Variants in TNRC6A observed in about 807,000 individuals in gnomAD.
TNRC6A encodes trinucleotide repeat containing adaptor 6A.
In TNRC6A, 44 loss-of-function variants were observed where a neutral mutation model predicts 221.2. That is an observed-to-expected ratio of 0.20 (90% CI 0.16 to 0.26). TNRC6A has a LOEUF of 0.26. TNRC6A is among the 10% of genes least tolerant of loss of function. TNRC6A has a pLI of 1.00. For synonymous variants in TNRC6A, 847 were observed against 838.5 expected, an observed-to-expected ratio of 1.01 and a Z score of -0.18; for missense variants, 2,199 against 2,404.4, an observed-to-expected ratio of 0.91 and a Z score of 1.79.
chr16:24,704,664 CAAAAAAAAAAAAAAAAA>C (rs58926085), intron 2 of TNRC6A, among the ~76,000 whole-genome samples: 9 of 69,464 alleles, frequency 1.3e-4, no homozygotes, highest in Non-Finnish European at 2.3e-4. Context: ...GACTCCGTCT[CAAAAAAAAAAAAAAAAA>C]AAAAAAAAAA....
rs575497066 is a variant in TNRC6A at position 24,823,938 on chromosome 16, C to T, written c.*131C>T. On this transcript the variant is annotated 3_prime_UTR_variant, in exon 25 of 25. Transcript: ENST00000395799. The surrounding 1 kb of genome is among the most constrained non-coding windows in gnomAD (Gnocchi z 4.3). The stretch of plus-strand genomic sequence containing the variant: ...CTCTGCACATTTTCCACTTTGTTTT[C>T]CCCAAAACATATCAGTTTGAATACT... The T allele has an allele frequency of 2.0e-5, 18 of 904,814 alleles. No homozygotes were observed. The African/African-American group carries it at 2.9e-4, about 15-fold the overall frequency. 56.0% of individuals were successfully genotyped at this position (904,814 alleles called of 1,614,324 possible). A position where few individuals can be genotyped will look rare whatever the true frequency, so the allele number is the denominator to read the frequency against.
intron 4 of TNRC6A, among the ~76,000 whole-genome samples, chr16:24,761,277 C>A (rs2057356704): frequency 6.6e-6 from 1 of 152,112 alleles, no homozygotes; most frequent in African/African-American, 2.4e-5. Context: ...CTTGTGACTT[C>A]AACTTTGAAA....
At chr16:24,704,730 G>T (rs1048835910) in intron 2 of TNRC6A, among the ~76,000 whole-genome samples, 6 of 150,546 alleles carry the variant, frequency 4.0e-5, no homozygotes, top group Non-Finnish European at 8.9e-5. Flanking sequence ...TGAGTATAAG[G>T]GGGTATATTA....
At chr16:24,817,046 GCC>G (rs2058671595) in intron 20 of TNRC6A, 90 bp downstream of exon 20, 1 of 1,335,888 alleles carries the variant, frequency 7.5e-7, no homozygotes, top group Non-Finnish European at 9.7e-7. Context: ...GGGCGACTGA[GCC>G]CAGGGTACTC....
chr16:24,728,127 T>A (rs2056523594), upstream of TNRC6A, among the ~76,000 whole-genome samples: 1 of 152,142 alleles, frequency 6.6e-6, no homozygotes. Context: ...TTTGTTTGTT[T>A]TTAACGGGAG....
At chr16:24,678,484 G>A (rs2055464545) in intron 2 of TNRC6A, among the ~76,000 whole-genome samples, 2 of 152,300 alleles carry the variant, frequency 1.3e-5, no homozygotes, top group South Asian at 2.1e-4. Flanking sequence ...AGGATCTGAA[G>A]AGAAATCTCC....
rs763952946 is a variant in TNRC6A, at chr16:24,797,577, A to G, written c.3642+7A>G. ...TTCAAACATCAGTTTTTCGGTAAGT[A>G]TGTTTTCTTAGCAGCTCCTTCCTCT... On this transcript the variant is annotated splice_region_variant and intron_variant, in intron 10 of 24. Coordinates refer to ENST00000395799, the MANE Select transcript of TNRC6A (RefSeq NM_014494.4). 2 of 1,600,174 alleles carry G rather than the reference A, an allele frequency of 1.2e-6. No homozygotes were observed. Among genetic ancestry groups the G allele is most frequent in the South Asian group, 1.1e-5 (1 of 89,184 alleles).
Position 24,820,262 on chromosome 16 carries a change from C to T in TNRC6A, c.5204C>T (p.Pro1735Leu). 1 of 1,614,132 alleles carries T rather than the reference C, an allele frequency of 6.2e-7. No homozygotes were observed. The highest frequency in any genetic ancestry group is 8.5e-7 in the Non-Finnish European group (1 of 1,180,036). The change falls in exon 22 of 25, where the codon CCG becomes CTG. Residue 1735 changes from proline (P) to leucine (L), a missense_variant. Transcript: ENST00000395799. ...ATCACTGCTCCGTCCCGCCCACCTC[C>T]GGGACTGACTGGTCAGAAGCCACCC... ...KNITAPSRPP[P>L]GLTGQKPPLS...
chr16:24,747,386 A>G (rs1567418400), intron 2 of TNRC6A, among the ~76,000 whole-genome samples: 1 of 152,178 alleles, frequency 6.6e-6, no homozygotes, highest in East Asian at 1.9e-4. Flanking sequence ...TTTACAGACA[A>G]CGAGGTAGAT....
chr16:24,791,034 T>G lies in TNRC6A; in HGVS notation c.2392T>G (p.Ser798Ala). 1 of 1,591,688 alleles carries G rather than the reference T, an allele frequency of 6.3e-7. No individual in the cohort carries two copies. Among genetic ancestry groups the G allele is most frequent in the Non-Finnish European group, 8.6e-7 (1 of 1,168,742 alleles). Residue 798 changes from serine (S) to alanine (A), a missense_variant, in exon 6 of 25, where the codon TCA (serine) becomes GCA (alanine). Ser to Ala is a moderately conservative substitution (Grantham distance 99). Around this residue, in one of 8 missense-constraint regions of TNRC6A, gnomAD observed 1,405 missense variants for 1,400.2 expected, o/e 1.00. Coordinates refer to ENST00000395799, the MANE Select transcript of TNRC6A (RefSeq NM_014494.4). Reference protein sequence around the residue: ...PALRWGDSKGSNCQGGWEDDS... With the variant: ...PALRWGDSKGANCQGGWEDDS... ...TCTGAGGTGGGGAGATTCCAAAGGC[T>G]CAAACTGCCAGGGGGGGTGGGAAGA...
intron 1 of TNRC6A, among the ~76,000 whole-genome samples, chr16:24,630,967 C>T (rs996225851): frequency 1.3e-5 from 2 of 150,962 alleles, no homozygotes; most frequent in African/African-American, 4.9e-5. Context: ...GTTGGTGGAG[C>T]TTAGACATTC....
At chr16:24,729,379 A>G (rs544572288), upstream of TNRC6A, among the ~76,000 whole-genome samples, 152 of 145,038 alleles carry the variant, frequency 1.0e-3, 1 homozygote, top group Middle Eastern at 3.8e-3. Flanking sequence ...GTCGCAGCAA[A>G]GAAGGAGGAG....
intron 2 of TNRC6A, among the ~76,000 whole-genome samples, chr16:24,701,985 A>T (rs1351240532): frequency 6.6e-6 from 1 of 151,288 alleles, no homozygotes; most frequent in Non-Finnish European, 1.5e-5. Flanking sequence ...AAAAAAAACA[A>T]AAACAAAAAA....
intron 2 of TNRC6A, among the ~76,000 whole-genome samples, chr16:24,704,664 C>CAAAAAAAAAAAAAAAAAA (rs58926085): frequency 1.4e-4 from 10 of 69,458 alleles, no homozygotes; most frequent in Non-Finnish European, 2.3e-4. Context: ...GACTCCGTCT[C>CAAAAAAAAAAAAAAAAAA]AAAAAAAAAA....
At chr16:24,723,750 T>A (rs1434678051) in intron 2 of TNRC6A, among the ~76,000 whole-genome samples, 1 of 152,214 alleles carries the variant, frequency 6.6e-6, no homozygotes, top group Non-Finnish European at 1.5e-5. Flanking sequence ...ATTTTAATTA[T>A]TGCAAAATTT....
chr16:24,729,144 C>T (rs778085941), upstream of TNRC6A, among the ~76,000 whole-genome samples: 1 of 152,012 alleles, frequency 6.6e-6, no homozygotes, highest in Admixed American at 6.6e-5. Flanking sequence ...TTAAGCCTCA[C>T]AACCCGCCTC....
intron 2 of TNRC6A, among the ~76,000 whole-genome samples, chr16:24,734,379 G>A (rs1274361353): frequency 6.6e-6 from 1 of 152,056 alleles, no homozygotes; most frequent in Non-Finnish European, 1.5e-5. Context: ...AAGATGCTAA[G>A]TTACATTTTG....
At chr16:24,700,890 G>A (rs577859651) in intron 2 of TNRC6A, among the ~76,000 whole-genome samples, 9 of 152,262 alleles carry the variant, frequency 5.9e-5, no homozygotes, top group African/African-American at 9.6e-5. Flanking sequence ...TGGCTACCAC[G>A]TGGGCTGACG....
intron 4 of TNRC6A, among the ~76,000 whole-genome samples, chr16:24,771,584 GTTA>G (rs1567449439): frequency 8.3e-4 from 22 of 26,356 alleles, no homozygotes; most frequent in Non-Finnish European, 1.7e-3. Context: ...ATGTTATGTT[GTTA>G]TGTTATGTTA....
Sources: gnomAD v4.1 joint callset for allele counts (sites outside exome capture counted in the v4.1 genomes callset) on GRCh38, gnomAD v4.1.1 for gene constraint, gnomAD v4.1.1 regional missense constraint, Gnocchi (gnomAD v3.1) non-coding constraint, MANE v1.5 for transcripts, NCBI Gene and HGNC (gene_info 2026-07-23, HGNC 2026-07-21) for gene names.